SORCS2: variants seen among roughly 807,000 people sequenced by gnomAD.
The protein encoded by SORCS2 is sortilin related VPS10 domain containing receptor 2.
SORCS2 carries 100 observed loss-of-function variants against 141.6 expected under a neutral mutation model. The observed-to-expected ratio is 0.71, with a 90% CI of 0.60 to 0.83. The LOEUF (loss-of-function observed/expected upper bound fraction) is 0.83, where lower values mean the gene tolerates loss of function less well. SORCS2 is among the 40% of genes least tolerant of loss of function. The pLI is 0.00. For missense variants in SORCS2, 1,646 were observed against 1,560.2 expected (o/e 1.05, Z -0.93); for synonymous variants, 789 against 676.9 (o/e 1.17, Z -2.57).
chr4:7,729,687 G>A lies in SORCS2; in HGVS notation c.3083G>A (p.Arg1028Lys). 3.1e-6 allele frequency: 5 copies of A among 1,610,560 alleles called. No individual in the cohort carries two copies. Among genetic ancestry groups the A allele is most frequent in the Non-Finnish European group, 3.4e-6 (4 of 1,178,602 alleles). The change falls in exon 23 of 27, where the codon AGG becomes AAG. Residue 1028 changes from arginine to lysine, a missense_variant. Physicochemically the swap from Arg to Lys is conservative, Grantham distance 26. Coordinates refer to ENST00000507866, the MANE Select transcript of SORCS2 (RefSeq NM_020777.3). ...YVLLPPPRPT[R>K]KRSLSSDKRL... The stretch of plus-strand genomic sequence containing the variant: ...CTCCTGCCCCCTCCCAGGCCCACAA[G>A]GAAGAGGAGCCTCTCGAGTGATAAG...
At chr4:7,735,358 C>G (rs568314490) in intron 25 of SORCS2, 168 of 154,692 alleles carry the variant, frequency 1.1e-3, no homozygotes, top group African/African-American at 3.5e-3. Context: ...CTCCTGCTCC[C>G]GGTCCCACTG....
intron 2 of SORCS2, among the ~76,000 whole-genome samples, chr4:7,413,903 C>G (rs1725493250): frequency 6.6e-6 from 1 of 152,134 alleles, no homozygotes; most frequent in Non-Finnish European, 1.5e-5. Context: ...TTCCTCCTGC[C>G]TATCGGATTG....
At chr4:7,232,800 C>T (rs1199173773) in intron 1 of SORCS2, among the ~76,000 whole-genome samples, 1 of 152,198 alleles carries the variant, frequency 6.6e-6, no homozygotes, top group African/African-American at 2.4e-5. Flanking sequence ...CATGGGGGTG[C>T]CCAGGGCACC....
chr4:7,688,515 T>C (rs775486570), intron 10 of SORCS2, among the ~76,000 whole-genome samples: 33 of 152,176 alleles, frequency 2.2e-4, no homozygotes, highest in Non-Finnish European at 4.3e-4. Context: ...AGCTGTGCCA[T>C]AGTAATCCAA....
At chr4:7,290,241 C>T (rs1331341543) in intron 1 of SORCS2, among the ~76,000 whole-genome samples, 3 of 152,200 alleles carry the variant, frequency 2.0e-5, no homozygotes, top group Non-Finnish European at 4.4e-5. Flanking sequence ...CAGGGTCTAA[C>T]ACAGCGCCCG....
At chr4:7,537,211 G>A (rs557754039) in intron 3 of SORCS2, among the ~76,000 whole-genome samples, 3 of 152,204 alleles carry the variant, frequency 2.0e-5, no homozygotes, top group Non-Finnish European at 4.4e-5. Context: ...TTTCCTCTCT[G>A]GGCCTCAGTT....
intron 1 of SORCS2, among the ~76,000 whole-genome samples, chr4:7,390,638 G>C (rs1723799611): frequency 6.6e-6 from 1 of 152,212 alleles, no homozygotes; most frequent in Non-Finnish European, 1.5e-5. Context: ...CACAAGAGCA[G>C]AGGGAAGTGG....
intron 2 of SORCS2, among the ~76,000 whole-genome samples, chr4:7,495,526 C>G (rs1211799070): frequency 6.6e-6 from 1 of 152,194 alleles, no homozygotes; most frequent in African/African-American, 2.4e-5. Flanking sequence ...ACAGGCTACA[C>G]TGGTGGCGAT....
chr4:7,718,333 G>T, intron 18 of SORCS2, 150 bp downstream of exon 18: 1 of 853,576 alleles, frequency 1.2e-6, no homozygotes, highest in Non-Finnish European at 1.7e-6. Flanking sequence ...GAAGGAGGCA[G>T]CAGGGGGCTG....
At chr4:7,326,286 C>T (rs1050291593) in intron 1 of SORCS2, among the ~76,000 whole-genome samples, 1 of 151,982 alleles carries the variant, frequency 6.6e-6, no homozygotes, top group Non-Finnish European at 1.5e-5. Context: ...ATCTGGTTTA[C>T]AGAGTCCTTG....
chr4:7,563,905 T>G (rs4605653), intron 3 of SORCS2, among the ~76,000 whole-genome samples: 148,253 of 152,214 alleles, frequency 0.97, 72,321 homozygotes, highest in East Asian at 1. Context: ...GGGCTAAAAT[T>G]TAAACAACCT....
chr4:7,349,226 T>C (rs1404848522), intron 1 of SORCS2, among the ~76,000 whole-genome samples: 1 of 152,152 alleles, frequency 6.6e-6, no homozygotes, highest in Non-Finnish European at 1.5e-5. Context: ...GTCTGTCTCA[T>C]TGCAACACTC....
At chr4:7,572,806 T>C (rs926452692) in intron 3 of SORCS2, among the ~76,000 whole-genome samples, 1 of 152,262 alleles carries the variant, frequency 6.6e-6, no homozygotes, top group Non-Finnish European at 1.5e-5. Context: ...TTTTAACACA[T>C]TGGCTAACAC....
intron 3 of SORCS2, among the ~76,000 whole-genome samples, chr4:7,610,903 C>G (rs1718364730): frequency 6.6e-6 from 1 of 152,138 alleles, no homozygotes; most frequent in Admixed American, 6.5e-5. Flanking sequence ...CCGTGATGGG[C>G]AGGTCTTGGT....
chr4:7,531,669 C>A lies in SORCS2; in HGVS notation c.648+40C>A, dbSNP rs371476287. 1.3e-4 allele frequency: 197 copies of A among 1,575,972 alleles called. No homozygotes were observed. In the African/African-American group the frequency reaches 2.4e-3, roughly 19 times the overall value. ...GGGGTGGCCGCCACTCTGGCTCTCG[C>A]CTTGTGCCGCTCACTCTGCAGAGCA... On this transcript the variant is annotated intron_variant, in intron 3 of 26. Coordinates refer to ENST00000507866, the MANE Select transcript of SORCS2 (RefSeq NM_020777.3).
In SORCS2 at chr4:7,543,718, A is replaced by AT. The variant is rs1180696957; in HGVS notation, c.648+12089_648+12090insT. Among the ~76,000 whole-genome samples, 6 of 10,262 alleles carry AT rather than the reference A, an allele frequency of 5.8e-4. No individual in the cohort carries two copies. In the East Asian group the frequency reaches 0.051, roughly 88 times the overall value. 6.7% of individuals were successfully genotyped at this position (10,262 alleles called of 152,430 possible). On this transcript the variant is annotated intron_variant, in intron 3 of 26. Transcript: ENST00000507866. ...CACCCATCCATCCATCCACCCATCC[A>AT]CCCATCCACCCATCCACCCATCCAC...
chr4:7,467,688 G>C (rs377660283), intron 2 of SORCS2, among the ~76,000 whole-genome samples: 1 of 152,168 alleles, frequency 6.6e-6, no homozygotes, highest in South Asian at 2.1e-4. Context: ...TCCAGTCCCA[G>C]CTCTGGCCTC....
At chr4:7,254,160 A>G (rs906588236) in intron 1 of SORCS2, among the ~76,000 whole-genome samples, 1 of 152,248 alleles carries the variant, frequency 6.6e-6, no homozygotes, top group African/African-American at 2.4e-5. Flanking sequence ...AGCTCCAGCA[A>G]TGCTACTATT....
At chr4:7,689,421 G>A in intron 10 of SORCS2, 65 bp from the exon 11 acceptor site, 1 of 1,478,904 alleles carries the variant, frequency 6.8e-7, no homozygotes, top group Non-Finnish European at 9.2e-7. Context: ...TTGTCATCAG[G>A]CTTAGTTTTC....
Sources: allele counts gnomAD v4.1 joint callset (sites outside exome capture counted in the v4.1 genomes callset), GRCh38; gene constraint gnomAD v4.1.1; transcripts MANE v1.5; gene names NCBI Gene and HGNC (gene_info 2026-07-23, HGNC 2026-07-21).